The following TRPM7 variants were observed in gnomAD, a reference collection of about 807,000 sequenced individuals.
The protein encoded by TRPM7 is LTRPC ion channel family member 7.
In TRPM7, 134 loss-of-function variants were observed where a neutral mutation model predicts 229.7. That is an observed-to-expected ratio of 0.58 (90% CI 0.51 to 0.67). The LOEUF is 0.67. Among genes scored for constraint, TRPM7 ranks in the 30% least tolerant of loss-of-function variants. The pLI, the probability that TRPM7 is intolerant of heterozygous loss-of-function variation, is 0.00. For missense variants in TRPM7, 1,901 were observed against 2,210.0 expected, an observed-to-expected ratio of 0.86 and a Z score of 2.80; for synonymous variants, 699 against 715.2, an observed-to-expected ratio of 0.98 and a Z score of 0.36.
intron 1 of TRPM7, among the ~76,000 whole-genome samples, chr15:50,677,401 CA>C (rs1442051331): frequency 2.6e-5 from 4 of 151,962 alleles, no homozygotes; most frequent in Non-Finnish European, 5.9e-5. Context: ...ACATTCAGTA[CA>C]TAACAACAAC....
intron 1 of TRPM7, 61 bp from the exon 2 acceptor site, chr15:50,663,107 A>G (rs1001848006): frequency 4.6e-6 from 6 of 1,297,840 alleles, no homozygotes; most frequent in Non-Finnish European, 3.3e-6. Context: ...GAAGGAAACA[A>G]TTTCATGATA....
At chr15:50,595,387 A>T (rs2059606539) in intron 23 of TRPM7, among the ~76,000 whole-genome samples, 2 of 151,800 alleles carry the variant, frequency 1.3e-5, no homozygotes, top group Admixed American at 1.3e-4. Flanking sequence ...AGATTTAACT[A>T]CAATGTGGTG....
At chr15:50,670,259 G>C (rs2061960124) in intron 1 of TRPM7, among the ~76,000 whole-genome samples, 1 of 152,128 alleles carries the variant, frequency 6.6e-6, no homozygotes, top group African/African-American at 2.4e-5. Flanking sequence ...CGTCAGAGGT[G>C]TTTAAACCAG....
At chr15:50,683,642 G>A (rs1567133583) in intron 1 of TRPM7, among the ~76,000 whole-genome samples, 1 of 152,058 alleles carries the variant, frequency 6.6e-6, no homozygotes, top group Non-Finnish European at 1.5e-5. Flanking sequence ...TGGGGCAGCA[G>A]AATCGCTTGA....
At chr15:50,654,616 A>G (rs2061506898) in intron 3 of TRPM7, among the ~76,000 whole-genome samples, 1 of 151,534 alleles carries the variant, frequency 6.6e-6, no homozygotes, top group South Asian at 2.1e-4. Context: ...ATGAGAGTGC[A>G]CATGGTGCAT....
intron 1 of TRPM7, among the ~76,000 whole-genome samples, chr15:50,663,310 A>T (rs1173845219): frequency 6.6e-6 from 1 of 152,140 alleles, no homozygotes; most frequent in East Asian, 1.9e-4. Context: ...GTATTTTTTT[A>T]GTAGAGATGG....
At chr15:50,606,766 T>C (rs1169881310) in intron 20 of TRPM7, among the ~76,000 whole-genome samples, 2 of 152,242 alleles carry the variant, frequency 1.3e-5, no homozygotes, top group Non-Finnish European at 2.9e-5. Context: ...CCTAAGGTGC[T>C]GCCATTACAG....
chr15:50,592,458 T>G lies in TRPM7; in HGVS notation c.3777A>C (p.Lys1259Asn). 6.2e-7 allele frequency: 1 copy of G among 1,614,174 alleles called. No homozygotes were observed. Among genetic ancestry groups the G allele is most frequent in the South Asian group, 1.1e-5 (1 of 91,080 alleles). ...LTAQKASEAS[K>N]VHNEITRELS... ...GTTCTCGTGTGATTTCATTATGAAC[T>G]TTGCTAGCTTCCGACGCTTTCTGGG... The change falls in exon 26 of 39, where the codon AAA becomes AAC. Residue 1259 changes from lysine to asparagine, a missense_variant. By Grantham distance (94) the Lys-to-Asn change is moderately conservative. Coordinates refer to ENST00000646667, the MANE Select transcript of TRPM7 (RefSeq NM_017672.6).
At chr15:50,630,180 C>T (rs1237365495) in intron 10 of TRPM7, among the ~76,000 whole-genome samples, 3 of 151,916 alleles carry the variant, frequency 2.0e-5, no homozygotes, top group African/African-American at 7.2e-5. Flanking sequence ...TATTTTTATG[C>T]ACTCCCATTT....
intron 13 of TRPM7, among the ~76,000 whole-genome samples, chr15:50,616,823 G>A (rs552998643): frequency 8.5e-5 from 13 of 152,240 alleles, no homozygotes; most frequent in African/African-American, 3.1e-4. Context: ...TGGGACTACA[G>A]GCACATGCCA....
chr15:50,616,584 A>C (rs528161247), intron 13 of TRPM7, among the ~76,000 whole-genome samples: 95 of 152,364 alleles, frequency 6.2e-4, no homozygotes, highest in Non-Finnish European at 1.3e-3. Flanking sequence ...GTGACTGCTA[A>C]AGGGTACAGG....
chr15:50,616,515 T>C (rs1368163036), intron 13 of TRPM7, among the ~76,000 whole-genome samples: 1 of 152,144 alleles, frequency 6.6e-6, no homozygotes, highest in African/African-American at 2.4e-5. Flanking sequence ...ATCATTAGAT[T>C]AATAGTTACC....
At chr15:50,586,600 T>C (rs185254643) in intron 27 of TRPM7, 112 bp from the exon 28 acceptor site, 135 of 641,196 alleles carry the variant, frequency 2.1e-4, no homozygotes, top group Non-Finnish European at 3.3e-4. Flanking sequence ...TGCTTTATTC[T>C]ACCTGGACAC....
chr15:50,646,018 G>A (rs542968238), intron 4 of TRPM7, among the ~76,000 whole-genome samples: 1 of 151,506 alleles, frequency 6.6e-6, no homozygotes, highest in East Asian at 2.0e-4. Context: ...TCGGGAGGCT[G>A]AAGCAGGAGA....
At chr15:50,671,564 C>T (rs1031766481) in intron 1 of TRPM7, among the ~76,000 whole-genome samples, 2 of 152,002 alleles carry the variant, frequency 1.3e-5, no homozygotes, top group Non-Finnish European at 1.5e-5. Flanking sequence ...AGCACCTTGC[C>T]GTGGGAGGAG....
Position 50,592,189 on chromosome 15 carries a change from C to T in TRPM7, c.4046G>A (p.Gly1349Asp). Residue 1349 changes from glycine (G) to aspartate (D), a missense_variant, in exon 26 of 39, where the codon GGT (glycine) becomes GAT (aspartate). This residue lies in a region of TRPM7 where 533 missense variants were observed against 497.1 expected (regional missense o/e 1.07). Coordinates refer to ENST00000646667, the MANE Select transcript of TRPM7 (RefSeq NM_017672.6). ...QRKEFNFPEAGSSSGALFPSA... is the reference protein window; with the variant it reads ...QRKEFNFPEADSSSGALFPSA... ...TGGGAATAAGGCACCAGAAGAGGAA[C>T]CAGCCTCTGGAAAATTAAATTCTTT... 2 of 1,614,144 alleles carry T rather than the reference C, an allele frequency of 1.2e-6. No individual in the cohort carries two copies. The highest frequency in any genetic ancestry group is 1.7e-6 in the Non-Finnish European group (2 of 1,180,016).
intron 38 of TRPM7, among the ~76,000 whole-genome samples, chr15:50,566,951 G>A (rs915922290): frequency 6.6e-6 from 1 of 151,550 alleles, no homozygotes; most frequent in African/African-American, 2.4e-5. Context: ...ACTGCCATAA[G>A]GAAAAAGGGG....
rs1032135357 is a variant in TRPM7, at chr15:50,558,563, G to C, written c.*3115C>G. Reference sequence around the variant, plus strand: ...CAAAAATCAGCCAGGCATTATGGTGGGTACCTGTAATCTCAGCTACTTTGG... The same window carrying C: ...CAAAAATCAGCCAGGCATTATGGTGCGTACCTGTAATCTCAGCTACTTTGG... On this transcript the variant is annotated 3_prime_UTR_variant, in exon 39 of 39. Transcript: ENST00000646667. 6.6e-6 allele frequency: 1 copy of C among 151,900 alleles called. No individual in the cohort carries two copies. The highest frequency in any genetic ancestry group is 2.4e-5 in the African/African-American group (1 of 41,346). 9.4% of individuals were successfully genotyped at this position (151,900 alleles called of 1,614,324 possible).
chr15:50,657,905 A>C, intron 2 of TRPM7, 86 bp from the exon 3 acceptor site: 1 of 1,009,754 alleles, frequency 9.9e-7, no homozygotes, highest in South Asian at 1.6e-5. Context: ...AATACAAAAC[A>C]AAAAAAATTA....
Sources: gnomAD v4.1 joint callset for allele counts (sites outside exome capture counted in the v4.1 genomes callset) on GRCh38, gnomAD v4.1.1 for gene constraint, gnomAD v4.1.1 regional missense constraint, MANE v1.5 for transcripts, NCBI Gene and HGNC (gene_info 2026-07-23, HGNC 2026-07-21) for gene names.